PTPRH: variants seen among roughly 807,000 people sequenced by gnomAD.
PTPRH encodes the protein protein tyrosine phosphatase receptor type H, also known as receptor-type tyrosine-protein phosphatase H.
PTPRH carries 113 observed loss-of-function variants against 130.2 expected under a neutral mutation model. The ratio of observed to expected loss-of-function variants is 0.87; its 90% CI spans 0.75 to 1.01. The LOEUF is 1.01. Ranked by LOEUF, PTPRH falls within the 50% of genes least tolerant of loss-of-function variation. PTPRH has a pLI of 0.00. For missense variants in PTPRH, 1,430 were observed against 1,425.0 expected (o/e 1.00, Z -0.06); for synonymous variants, 556 against 577.9 (o/e 0.96, Z 0.54).
chr19:55,203,131 A>G (rs2086920445), intron 5 of PTPRH, among the ~76,000 whole-genome samples: 1 of 151,656 alleles, frequency 6.6e-6, no homozygotes, highest in Non-Finnish European at 1.5e-5. Flanking sequence ...GATCGAGACC[A>G]TCCTGGCTAA....
At chr19:55,203,326 C>CAAAAA (rs531285040) in intron 5 of PTPRH, among the ~76,000 whole-genome samples, 3 of 75,160 alleles carry the variant, frequency 4.0e-5, no homozygotes, top group African/African-American at 1.5e-4. Context: ...GACTCTGTCT[C>CAAAAA]AAAAAAAAAA....
rs1247310155 is a variant in PTPRH, at chr19:55,181,589, C to G, written c.*165G>C. Reference sequence around the variant, plus strand: ...CCCATAGGACTCATCTGAAGCCCACCAGACCACTCTCTCCTGGGGAAACCA... The same window carrying G: ...CCCATAGGACTCATCTGAAGCCCACGAGACCACTCTCTCCTGGGGAAACCA... On this transcript the variant is annotated 3_prime_UTR_variant, in exon 20 of 20. Coordinates refer to ENST00000376350, the MANE Select transcript of PTPRH (RefSeq NM_002842.5). The G allele has an allele frequency of 1.5e-5, 14 of 930,914 alleles. No homozygotes were observed. In the Admixed American group the frequency reaches 1.9e-4, roughly 12 times the overall value. 57.7% of individuals were successfully genotyped at this position (930,914 alleles called of 1,614,324 possible). A position where few individuals can be genotyped will look rare whatever the true frequency, so the allele number is the denominator to read the frequency against.
Position 55,197,336 on chromosome 19 carries a change from G to T in PTPRH, c.1771C>A (p.Pro591Thr), listed in dbSNP as rs913368370. ...VMLWWKAPGD[P>T]HSQLYVYWVQ... is the part of the protein sequence containing the mutation. ...CAGTATACGTACAACTGAGAGTGGG[G>T]GTCTCCAGGGGCCTTCCACCACAGC... Residue 591 changes from proline to threonine, a missense_variant, in exon 9 of 20, where the codon CCC becomes ACC. Pro to Thr is a conservative substitution (Grantham distance 38). Transcript: ENST00000376350. The T allele has an allele frequency of 1.9e-6, 3 of 1,614,082 alleles. No individual in the cohort carries two copies. The highest frequency in any genetic ancestry group is 2.5e-6 in the Non-Finnish European group (3 of 1,180,036).
At chr19:55,198,459 T>G (rs894148565) in intron 8 of PTPRH, among the ~76,000 whole-genome samples, 184 bp downstream of exon 8, 1 of 152,100 alleles carries the variant, frequency 6.6e-6, no homozygotes, top group Admixed American at 6.6e-5. Context: ...TCCCACAGCT[T>G]GGAAAGCCCT....
chr19:55,203,556 C>T (rs534451563), intron 5 of PTPRH, among the ~76,000 whole-genome samples: 42 of 151,662 alleles, frequency 2.8e-4, no homozygotes, highest in African/African-American at 9.7e-4. Flanking sequence ...GGTGGGACCA[C>T]GGGAACACGC....
intron 5 of PTPRH, among the ~76,000 whole-genome samples, 189 bp downstream of exon 5, chr19:55,203,593 T>G (rs1310392814): frequency 2.6e-5 from 4 of 151,838 alleles, no homozygotes; most frequent in Non-Finnish European, 5.9e-5. Flanking sequence ...TTATTTTTTT[T>G]GTAGAGACAG....
intron 5 of PTPRH, 96 bp from the exon 6 acceptor site, chr19:55,202,418 G>C: frequency 6.5e-7 from 1 of 1,541,336 alleles, no homozygotes; most frequent in Non-Finnish European, 8.8e-7. Flanking sequence ...GTGGAGGCAG[G>C]GAGGCCCAGT....
chr19:55,202,312 T>C lies in PTPRH; in HGVS notation c.897A>G (p.Pro299=), dbSNP rs1448332021. The stretch of plus-strand genomic sequence containing the variant: ...GAGCCTCCACTGTCAGGTTTCTCAC[T>C]GGGTTGGGAGCTGAAAACCAGCACA... ...EIVTSATAPN[P]VRNLTVEAQT... is the part of the protein sequence containing the mutation. Residue 299 remains proline (P), a synonymous_variant, in exon 6 of 20, where the codon CCA becomes CCG. Transcript: ENST00000376350. 1 of 1,614,152 alleles carries C rather than the reference T, an allele frequency of 6.2e-7. No homozygotes were observed. Among genetic ancestry groups the C allele is most frequent in the Non-Finnish European group, 8.5e-7 (1 of 1,180,004 alleles).
chr19:55,185,502 CTGCAG>C lies in PTPRH; in HGVS notation c.3057_3061del (p.His1019GlnfsTer46). 6.2e-7 allele frequency: 1 copy of C among 1,614,074 alleles called. No homozygotes were observed. Reference sequence around the variant, plus strand: ...GAGAGGGTCCTGGGCTGGTCCCCACCTGCAGTGCACAATGGGTGGGCCTCCCTCCA... The same window carrying C: ...GAGAGGGTCCTGGGCTGGTCCCCACCTGCACAATGGGTGGGCCTCCCTCCA... On this transcript the variant is annotated frameshift_variant and splice_region_variant, in exon 18 of 20. Transcript: ENST00000376350.
intron 5 of PTPRH, 65 bp from the exon 6 acceptor site, chr19:55,202,387 CT>C: frequency 6.3e-7 from 1 of 1,591,318 alleles, no homozygotes; most frequent in Non-Finnish European, 8.6e-7. Context: ...CCAGCCCTTC[CT>C]TAACCATTGC....
In PTPRH at chr19:55,187,370, AAAAAAAAAAAAGGAAG is replaced by A. The variant is rs1466454469; in HGVS notation, c.2566+127_2566+142del. 9.5e-5 allele frequency: 17 copies of A among 179,008 alleles called. No individual in the cohort carries two copies. The East Asian group carries it at 1.4e-3, about 15-fold the overall frequency. The allele number at this position is 179,008 out of a possible 1,614,324, so 11.1% of individuals were successfully genotyped here. On this transcript the variant is annotated intron_variant, in intron 14 of 19. Transcript: ENST00000376350. The stretch of plus-strand genomic sequence containing the variant: ...AAAAAAAAAAAAAAAAGAAAAAAAG[AAAAAAAAAAAAGGAAG>A]AAAAAAAAAAGGAGACCCACGGTAG...
chr19:55,187,046 G>GAA (rs139074763), intron 14 of PTPRH, among the ~76,000 whole-genome samples: 2 of 133,816 alleles, frequency 1.5e-5, no homozygotes, highest in Admixed American at 7.7e-5. Flanking sequence ...CTGTCTCAAA[G>GAA]AAAAAAAAAA....
chr19:55,184,703 CT>C (rs2086268401), intron 18 of PTPRH, among the ~76,000 whole-genome samples: 1 of 151,902 alleles, frequency 6.6e-6, no homozygotes, highest in Non-Finnish European at 1.5e-5. Context: ...AGGAGAATTG[CT>C]TGAACTCGGG....
In PTPRH at chr19:55,191,689, G is replaced by A. The variant is rs756937051; in HGVS notation, c.2310C>T (p.Gly770=). 8 of 1,613,982 alleles carry A rather than the reference G, an allele frequency of 5.0e-6. No homozygotes were observed. The African/African-American group carries it at 1.1e-4, about 22-fold the overall frequency. ...TCCTCTTCAGGAAGAAAATCAGCAG[G>A]CCCACGAGGATGAGAAACAGGAGGA... is the stretch of plus-strand genomic sequence containing the variant. ...VGILLFLILV[G]LLIFFLKRRN... is the part of the protein sequence containing the mutation. Residue 770 remains glycine, a synonymous_variant, in exon 11 of 20, where the codon GGC becomes GGT. Transcript: ENST00000376350.
intron 5 of PTPRH, among the ~76,000 whole-genome samples, chr19:55,202,899 T>C (rs2086910892): frequency 6.6e-6 from 1 of 151,680 alleles, no homozygotes; most frequent in African/African-American, 2.4e-5. Context: ...GTTAGCCAGG[T>C]ATGGTGGCAT....
Position 55,196,752 on chromosome 19 carries a change from G to A in PTPRH, c.2027C>T (p.Thr676Ile), listed in dbSNP as rs1339190241. ...CAAGTTGACTCCATAGCCCGCTGAGGTGCTGACACAGGAAGTGATGGTGAC... is the reference window on the plus strand; with the variant it reads ...CAAGTTGACTCCATAGCCCGCTGAGATGCTGACACAGGAAGTGATGGTGAC... ...DTVTITSCVSTSAGYGVNLIW... is the reference protein window; with the variant it reads ...DTVTITSCVSISAGYGVNLIW... Residue 676 changes from threonine to isoleucine, a missense_variant, in exon 10 of 20, where the codon ACC (threonine) becomes ATC (isoleucine). Transcript: ENST00000376350. The A allele has an allele frequency of 6.2e-7, 1 of 1,614,166 alleles. No individual in the cohort carries two copies. Among genetic ancestry groups the A allele is most frequent in the Non-Finnish European group, 8.5e-7 (1 of 1,180,020 alleles).
At position 55,182,145 on chromosome 19, in the gene PTPRH, G is replaced by C; in HGVS notation, c.3069C>G (p.Gly1023=). ...GGPPIVHCSA[G]VGRTGTLIAL... is the part of the protein sequence containing the mutation. ...CAATGAGGGTTCCTGTGCGACCCAC[G>C]CCAGCACTAGGCAGAACAAGGGAAG... The change falls in exon 19 of 20, where the codon GGC becomes GGG. Residue 1023 remains glycine, a synonymous_variant. Coordinates refer to ENST00000376350, the MANE Select transcript of PTPRH (RefSeq NM_002842.5). 2 of 1,613,630 alleles carry C rather than the reference G, an allele frequency of 1.2e-6. No individual in the cohort carries two copies. The highest frequency in any genetic ancestry group is 1.7e-6 in the Non-Finnish European group (2 of 1,180,004).
At chr19:55,198,542 C>T in intron 8 of PTPRH, 101 bp downstream of exon 8, 3 of 1,275,728 alleles carry the variant, frequency 2.4e-6, no homozygotes, top group Non-Finnish European at 3.1e-6. Flanking sequence ...GCTGGAGAGG[C>T]CCATGGGTAC....
In PTPRH at chr19:55,191,784, A is replaced by G. The variant is rs755739535; in HGVS notation, c.2258-43T>C. On this transcript the variant is annotated intron_variant, in intron 10 of 19. Transcript: ENST00000376350. ...CGGGAACCCTCAGAGCGCAGGTCTG[A>G]GCTGCTCATCTGTCTCCAACCCTGC... is the stretch of plus-strand genomic sequence containing the variant. 7.8e-6 allele frequency: 12 copies of G among 1,534,812 alleles called. No individual in the cohort carries two copies. The African/African-American group carries it at 1.6e-4, about 21-fold the overall frequency.
Sources: allele counts gnomAD v4.1 joint callset (sites outside exome capture counted in the v4.1 genomes callset), GRCh38; gene constraint gnomAD v4.1.1; transcripts MANE v1.5; gene names NCBI Gene and HGNC (gene_info 2026-07-23, HGNC 2026-07-21).